Variants in SAMD12 observed in about 807,000 individuals in gnomAD.
SAMD12 encodes sterile alpha motif domain-containing protein 12.
SAMD12 carries 9 observed loss-of-function variants against 15.0 expected under a neutral mutation model. The ratio of observed to expected loss-of-function variants is 0.60; its 90% confidence interval spans 0.36 to 1.05. SAMD12 has a LOEUF of 1.05. Among genes scored for constraint, SAMD12 ranks in the 50% least tolerant of loss-of-function variants. The pLI is 0.01. For synonymous variants in SAMD12, 86 were observed against 90.1 expected (o/e 0.96, Z 0.25); for missense variants, 230 against 234.2 (o/e 0.98, Z 0.12).
chr8:118,222,374 T>C (rs939100022), intron 4 of SAMD12, among the ~76,000 whole-genome samples: 3 of 152,190 alleles, frequency 2.0e-5, no homozygotes, highest in African/African-American at 7.2e-5. Flanking sequence ...ACCAGCTATG[T>C]GACCTAGAGT....
intron 3 of SAMD12, among the ~76,000 whole-genome samples, chr8:118,438,836 T>C (rs191441351): frequency 2.4e-3 from 362 of 152,176 alleles, no homozygotes; most frequent in Non-Finnish European, 3.6e-3. Context: ...GAAAGCATTT[T>C]CTCAGAAAAA....
At chr8:118,442,688 G>A (rs1563862939) in intron 2 of SAMD12, among the ~76,000 whole-genome samples, 1 of 152,268 alleles carries the variant, frequency 6.6e-6, no homozygotes, top group East Asian at 1.9e-4. Flanking sequence ...TCTGAATCTA[G>A]TTCTTTCCTG....
At chr8:118,598,961 C>T (rs777822624) in intron 1 of SAMD12, among the ~76,000 whole-genome samples, 4 of 152,282 alleles carry the variant, frequency 2.6e-5, no homozygotes, top group South Asian at 2.1e-4. Flanking sequence ...CCAAACTGTG[C>T]GATCTCTGTC....
At chr8:118,307,379 T>C (rs1815403697) in intron 4 of SAMD12, among the ~76,000 whole-genome samples, 1 of 152,200 alleles carries the variant, frequency 6.6e-6, no homozygotes, top group Non-Finnish European at 1.5e-5. Flanking sequence ...GGCCATAAGC[T>C]ATCTGTTCAA....
At chr8:118,138,361 G>A in the SAMD12 span, among the ~76,000 whole-genome samples, 1 of 152,190 alleles carries the variant, frequency 6.6e-6, no homozygotes, top group Non-Finnish European at 1.5e-5. Context: ...TACCCTCAAG[G>A]TGACAGAGTT....
At chr8:118,443,817 C>T (rs1020351232) in intron 2 of SAMD12, among the ~76,000 whole-genome samples, 3 of 152,198 alleles carry the variant, frequency 2.0e-5, no homozygotes, top group African/African-American at 7.2e-5. Flanking sequence ...AACATTTCCT[C>T]CATCCCCAAC....
chr8:118,604,028 C>T (rs1827929094), intron 1 of SAMD12, among the ~76,000 whole-genome samples: 3 of 152,096 alleles, frequency 2.0e-5, no homozygotes, highest in South Asian at 4.1e-4. Context: ...ATTTAAAGTG[C>T]TTATTATACT....
chr8:118,541,604 C>T (rs1053065474), intron 2 of SAMD12, among the ~76,000 whole-genome samples: 7 of 151,968 alleles, frequency 4.6e-5, no homozygotes, highest in South Asian at 2.1e-4. Flanking sequence ...TATAAAATAG[C>T]GGGAAGAGGC....
At chr8:118,324,460 A>G (rs1390595821) in intron 4 of SAMD12, among the ~76,000 whole-genome samples, 4 of 152,222 alleles carry the variant, frequency 2.6e-5, no homozygotes, top group Non-Finnish European at 4.4e-5. Context: ...GACTGTATTC[A>G]AGGATATAAG....
chr8:118,509,064 T>C (rs957477413), intron 2 of SAMD12, among the ~76,000 whole-genome samples: 4 of 152,200 alleles, frequency 2.6e-5, no homozygotes, highest in Non-Finnish European at 4.4e-5. Context: ...CCAAGAATAT[T>C]AGCCTTCTTC....
At chr8:118,359,481 T>C (rs1157317842) in intron 4 of SAMD12, among the ~76,000 whole-genome samples, 1 of 152,190 alleles carries the variant, frequency 6.6e-6, no homozygotes, top group African/African-American at 2.4e-5. Flanking sequence ...CCATTTATAT[T>C]GTGTTCCCAG....
chr8:118,321,144 A>AATAAATATATATAT (rs57107358), intron 4 of SAMD12, among the ~76,000 whole-genome samples: 84 of 94,394 alleles, frequency 8.9e-4, no homozygotes, highest in African/African-American at 2.8e-3. Flanking sequence ...ATAGATAATA[A>AATAAATATATATAT]ATATATATAT....
chr8:118,454,222 C>G (rs1355474654), intron 2 of SAMD12, among the ~76,000 whole-genome samples: 1 of 152,200 alleles, frequency 6.6e-6, no homozygotes, highest in Non-Finnish European at 1.5e-5. Context: ...ATGGCTAGAT[C>G]TAGAGTTCTA....
At chr8:118,356,866 A>G (rs1818252631) in intron 4 of SAMD12, among the ~76,000 whole-genome samples, 1 of 152,092 alleles carries the variant, frequency 6.6e-6, no homozygotes, top group African/African-American at 2.4e-5. Flanking sequence ...TCACTCTTAA[A>G]GCGCCCTTCT....
chr8:118,607,960 T>A (rs1438589323), intron 1 of SAMD12, among the ~76,000 whole-genome samples: 2 of 152,202 alleles, frequency 1.3e-5, no homozygotes, highest in East Asian at 3.9e-4. Context: ...AAATATTTTC[T>A]ACCTTTTATA....
At chr8:118,487,815 G>A (rs940230015) in intron 2 of SAMD12, among the ~76,000 whole-genome samples, 2 of 152,054 alleles carry the variant, frequency 1.3e-5, no homozygotes, top group African/African-American at 2.4e-5. Context: ...CTTTTCTCTC[G>A]ATCACAATAT....
the SAMD12 span, among the ~76,000 whole-genome samples, chr8:118,138,825 T>C: frequency 6.6e-6 from 1 of 152,186 alleles, no homozygotes; most frequent in Non-Finnish European, 1.5e-5. Flanking sequence ...TTCACCATCA[T>C]AGCTGCCCCA....
chr8:118,450,050 C>T lies in SAMD12; in HGVS notation c.193-10089G>A, dbSNP rs148750533. 2.6e-5 allele frequency among the ~76,000 whole-genome samples: 4 copies of T among 152,212 alleles called. No individual in the cohort carries two copies. The East Asian group carries it at 5.8e-4, about 22-fold the overall frequency. ...CAGTCATGTACAAGGTGTCCCAATT[C>T]CATGCCAAAGATACAGTGCAGCTTC... On this transcript the variant is annotated intron_variant, in intron 2 of 3. Transcript: ENST00000314727.
At chr8:118,508,641 T>A (rs372230580) in intron 2 of SAMD12, among the ~76,000 whole-genome samples, 1 of 152,216 alleles carries the variant, frequency 6.6e-6, no homozygotes, top group Non-Finnish European at 1.5e-5. Flanking sequence ...TAATTTTTCT[T>A]AGTTTGAGCA....
Sources: gnomAD v4.1 joint callset for allele counts (sites outside exome capture counted in the v4.1 genomes callset) on GRCh38, gnomAD v4.1.1 for gene constraint, MANE v1.5 for transcripts, NCBI Gene and HGNC (gene_info 2026-07-23, HGNC 2026-07-21) for gene names.